The following EIF3H variants were observed in gnomAD, a reference collection of about 807,000 sequenced individuals.
EIF3H encodes eukaryotic translation initiation factor 3 subunit H.
A neutral mutation model predicts 44.2 loss-of-function variants in EIF3H; 26 were observed. That is an observed-to-expected ratio of 0.59 (90% CI 0.43 to 0.82). The LOEUF (loss-of-function observed/expected upper bound fraction) is 0.82. Among genes scored for constraint, EIF3H ranks in the 40% least tolerant of loss-of-function variants. EIF3H has a pLI of 0.00. For synonymous variants in EIF3H, 166 were observed against 151.9 expected, an observed-to-expected ratio of 1.09 and a Z score of -0.68; for missense variants, 359 against 432.8, an observed-to-expected ratio of 0.83 and a Z score of 1.51.
chr8:116,676,096 C>A (rs907848677), intron 2 of EIF3H, among the ~76,000 whole-genome samples: 5 of 152,208 alleles, frequency 3.3e-5, no homozygotes, highest in African/African-American at 1.2e-4. Flanking sequence ...CCAGAACATG[C>A]AGGAACCTTT....
At chr8:116,678,214 C>T (rs1813884988) in intron 2 of EIF3H, among the ~76,000 whole-genome samples, 1 of 152,056 alleles carries the variant, frequency 6.6e-6, no homozygotes. Context: ...GGGCTGGTCT[C>T]CAGCTCCTAA....
In EIF3H at chr8:116,642,493, T is replaced by G. The variant is rs1009774241; in HGVS notation, c.*2513A>C. On this transcript the variant is annotated 3_prime_UTR_variant, in exon 8 of 8. Transcript: ENST00000521861. ...AGCAGGAATCCATTCTTTCAGGTTT[T>G]AAGAATAATGTTATGATTATTAGAT... The G allele has an allele frequency of 1.3e-5, 2 of 152,222 alleles. No individual in the cohort carries two copies. Among genetic ancestry groups the G allele is most frequent in the African/African-American group, 4.8e-5 (2 of 41,462 alleles). The allele number at this position is 152,222 out of a possible 1,614,324, so 9.4% of individuals were successfully genotyped here.
chr8:116,656,108 T>C lies in EIF3H; in HGVS notation c.558-103A>G, dbSNP rs893260413. 4.6e-5 allele frequency: 49 copies of C among 1,070,744 alleles called. 1 individual carries two copies. The South Asian group carries it at 7.6e-4, about 17-fold the overall frequency. 66.3% of individuals were successfully genotyped at this position (1,070,744 alleles called of 1,614,324 possible). A position where few individuals can be genotyped will look rare whatever the true frequency, so the allele number is the denominator to read the frequency against. ...AATTACAGGCCCTATCCAAGATCTT[T>C]GTTTCATTAGCACTCTTAAAAAAAA... On this transcript the variant is annotated intron_variant, in intron 4 of 7. Coordinates refer to ENST00000521861, the MANE Select transcript of EIF3H (RefSeq NM_003756.3).
At chr8:116,682,431 GC>G (rs1189397316) in intron 2 of EIF3H, among the ~76,000 whole-genome samples, 2 of 152,034 alleles carry the variant, frequency 1.3e-5, no homozygotes, top group Non-Finnish European at 2.9e-5. Context: ...TTTTACACAG[GC>G]AATGTTGTAG....
At chr8:116,699,283 A>G (rs1328556436) in intron 2 of EIF3H, among the ~76,000 whole-genome samples, 1 of 152,232 alleles carries the variant, frequency 6.6e-6, no homozygotes, top group Admixed American at 6.5e-5. Flanking sequence ...ATCATGACAT[A>G]CACTTCAATT....
exon 1 of EIF3H, chr8:116,765,788 CA>C (rs1432156061): frequency 6.6e-6 from 1 of 152,204 alleles, no homozygotes; most frequent in Non-Finnish European, 1.5e-5. Flanking sequence ...GGGTTTGTGG[CA>C]AAACCAGGAC....
chr8:116,702,978 C>G (rs1814404647), intron 2 of EIF3H, among the ~76,000 whole-genome samples: 2 of 152,136 alleles, frequency 1.3e-5, no homozygotes, highest in Admixed American at 1.3e-4. Context: ...CTAGATCCCT[C>G]ACATGCGCAG....
intron 2 of EIF3H, among the ~76,000 whole-genome samples, chr8:116,709,145 G>A (rs946025332): frequency 7.2e-5 from 11 of 152,012 alleles, no homozygotes; most frequent in Non-Finnish European, 1.3e-4. Context: ...AGCTGGCTCA[G>A]GCTTATCATA....
At chr8:116,655,427 A>C (rs1813472528) in intron 5 of EIF3H, among the ~76,000 whole-genome samples, 2 of 152,114 alleles carry the variant, frequency 1.3e-5, no homozygotes, top group African/African-American at 2.4e-5. Flanking sequence ...GCATCTGAAC[A>C]AGGGTAAGTA....
At chr8:116,727,061 C>T (rs894012322) in intron 1 of EIF3H, among the ~76,000 whole-genome samples, 7 of 152,118 alleles carry the variant, frequency 4.6e-5, no homozygotes, top group African/African-American at 1.7e-4. Context: ...AAGAAAATGA[C>T]AATTTATTTG....
intron 2 of EIF3H, among the ~76,000 whole-genome samples, chr8:116,660,114 C>T (rs566862156): frequency 6.6e-6 from 1 of 152,250 alleles, no homozygotes; most frequent in East Asian, 1.9e-4. Context: ...TGGTCTCGTA[C>T]TCCTAGGATC....
intron 2 of EIF3H, among the ~76,000 whole-genome samples, 153 bp from the exon 3 acceptor site, chr8:116,659,133 T>C (rs1457688452): frequency 1.3e-5 from 2 of 152,230 alleles, no homozygotes; most frequent in African/African-American, 2.4e-5. Context: ...AGTTCACATA[T>C]AAAGCAAAAC....
At chr8:116,705,495 C>CG (rs1034961066) in intron 2 of EIF3H, among the ~76,000 whole-genome samples, 4 of 125,324 alleles carry the variant, frequency 3.2e-5, no homozygotes, top group Non-Finnish European at 6.4e-5. Flanking sequence ...TGTTACACCC[C>CG]CCCCCACCAC....
intron 2 of EIF3H, among the ~76,000 whole-genome samples, chr8:116,713,088 TA>T (rs1482292737): frequency 1.3e-5 from 2 of 152,180 alleles, no homozygotes; most frequent in African/African-American, 4.8e-5. Flanking sequence ...CAAATATCTT[TA>T]CGTAAAGTTG....
intron 1 of EIF3H, among the ~76,000 whole-genome samples, chr8:116,732,188 GA>G (rs1377701785): frequency 1.3e-5 from 2 of 151,716 alleles, no homozygotes; most frequent in East Asian, 3.9e-4. Flanking sequence ...CATCTCTAAT[GA>G]ACACAATGCT....
At chr8:116,674,588 T>G (rs1489971167) in intron 2 of EIF3H, among the ~76,000 whole-genome samples, 1 of 152,150 alleles carries the variant, frequency 6.6e-6, no homozygotes, top group Non-Finnish European at 1.5e-5. Flanking sequence ...CAAGAACACA[T>G]ATGTTCAGAA....
At chr8:116,750,144 T>G (rs1815303563) in intron 1 of EIF3H, among the ~76,000 whole-genome samples, 1 of 152,290 alleles carries the variant, frequency 6.6e-6, no homozygotes, top group Admixed American at 6.5e-5. Context: ...GTAGCAGGGC[T>G]AGACCTGGCA....
chr8:116,744,396 T>C (rs1298992134), intron 1 of EIF3H, among the ~76,000 whole-genome samples: 1 of 152,204 alleles, frequency 6.6e-6, no homozygotes, highest in African/African-American at 2.4e-5. Flanking sequence ...ACTAAGTTAA[T>C]ACTGAGTTAT....
chr8:116,749,507 A>T (rs1400047900), intron 1 of EIF3H, among the ~76,000 whole-genome samples: 3 of 152,256 alleles, frequency 2.0e-5, no homozygotes, highest in African/African-American at 7.2e-5. Flanking sequence ...AACATAAGAA[A>T]GGTAAAATTC....
Sources: allele counts gnomAD v4.1 joint callset (sites outside exome capture counted in the v4.1 genomes callset), GRCh38; gene constraint gnomAD v4.1.1; transcripts MANE v1.5; gene names NCBI Gene and HGNC (gene_info 2026-07-23, HGNC 2026-07-21).